Variants in AGTR1 observed in about 807,000 individuals in gnomAD.
AGTR1 encodes type-1 angiotensin II receptor.
A neutral mutation model predicts 19.4 loss-of-function variants in AGTR1; 16 were observed. The observed-to-expected ratio is 0.82, with a 90% CI of 0.56 to 1.25. AGTR1 has a LOEUF of 1.25. Ranked by LOEUF, AGTR1 falls within the 50% of genes most tolerant of loss-of-function variation. The pLI is 0.00. For missense variants in AGTR1, 373 were observed against 431.9 expected, an observed-to-expected ratio of 0.86 and a Z score of 1.21; for synonymous variants, 153 against 154.9, an observed-to-expected ratio of 0.99 and a Z score of 0.09.
At chr3:148,740,931 AGTTT>A (rs1322954166) in intron 2 of AGTR1, 54 bp from the exon 3 acceptor site, 61 of 1,433,796 alleles carry the variant, frequency 4.3e-5, no homozygotes, top group East Asian at 7.0e-5. Context: ...AATGTTTGTT[AGTTT>A]GTTTGTTTAC....
intron 2 of AGTR1, among the ~76,000 whole-genome samples, chr3:148,735,267 A>G (rs946085520): frequency 1.3e-5 from 2 of 152,178 alleles, no homozygotes; most frequent in African/African-American, 2.4e-5. Flanking sequence ...AAATACTGCA[A>G]ATATATAGTA....
rs936247088 is a variant in AGTR1 at position 148,742,880 on chromosome 3, T to C, written c.*765T>C. ...TTATATATCATAAAGTATGCCTTCC[T>C]GTTTAAAAAAAGTATATATTCTACA... On this transcript the variant is annotated 3_prime_UTR_variant, in exon 3 of 3. Coordinates refer to ENST00000349243, the MANE Select transcript of AGTR1 (RefSeq NM_000685.5). 1 of 167,044 alleles carries C rather than the reference T, an allele frequency of 6.0e-6. No homozygotes were observed. The highest frequency in any genetic ancestry group is 2.4e-5 in the African/African-American group (1 of 41,462). 10.3% of individuals were successfully genotyped at this position (167,044 alleles called of 1,614,324 possible).
intron 1 of AGTR1, among the ~76,000 whole-genome samples, chr3:148,701,240 C>T (rs1231416965): frequency 6.6e-6 from 1 of 152,026 alleles, no homozygotes; most frequent in Non-Finnish European, 1.5e-5. Context: ...CTAGTTATTA[C>T]GTTAGTGACA....
Position 148,742,150 on chromosome 3 carries a change from AAAG to A in AGTR1, c.*39_*41del. On this transcript the variant is annotated 3_prime_UTR_variant, in exon 3 of 3. Transcript: ENST00000349243. ...AACCTGTCCATAAAGTAATTTTGTG[AAAG>A]AAGGAGCAAGAGAACATTCCTCTGC... is the stretch of plus-strand genomic sequence containing the variant. 2 of 1,611,636 alleles carry A rather than the reference AAAG, an allele frequency of 1.2e-6. No homozygotes were observed. The highest frequency in any genetic ancestry group is 1.7e-4 in the Middle Eastern group (1 of 6,056).
chr3:148,723,355 T>C (rs548734856), intron 2 of AGTR1, among the ~76,000 whole-genome samples: 2 of 152,344 alleles, frequency 1.3e-5, no homozygotes, highest in Non-Finnish European at 2.9e-5. Context: ...ATTTAAAATA[T>C]TTTAAAATGT....
chr3:148,699,804 G>A lies in AGTR1; in HGVS notation c.-132+1677G>A, dbSNP rs12721245. Among the ~76,000 whole-genome samples the A allele has an allele frequency of 5.3e-5, 8 of 152,068 alleles. No homozygotes were observed. In the South Asian group the frequency reaches 1.7e-3, roughly 32 times the overall value. ...AGTCTGTTACCCACTCTCTCTCCCC[G>A]CCACCTTTTTTCCCCCTGACTTCAT... is the stretch of plus-strand genomic sequence containing the variant. On this transcript the variant is annotated intron_variant, in intron 1 of 2. Coordinates refer to ENST00000349243, the MANE Select transcript of AGTR1 (RefSeq NM_000685.5).
rs114968550 is a variant in AGTR1, at chr3:148,735,768, G to A, written c.-47-5221G>A. The stretch of plus-strand genomic sequence containing the variant: ...CCTGTGGCCTTACTTGGCAGAGAGA[G>A]GTGGGGGAAGCAACATAGGAGCAGA... On this transcript the variant is annotated intron_variant, in intron 2 of 2. Transcript: ENST00000349243. 2.2e-3 allele frequency among the ~76,000 whole-genome samples: 341 copies of A among 152,252 alleles called. 2 individuals carry two copies. The highest frequency in any genetic ancestry group is 7.9e-3 in the African/African-American group (330 of 41,550).
At chr3:148,725,482 G>A (rs1183805720) in intron 2 of AGTR1, among the ~76,000 whole-genome samples, 2 of 151,978 alleles carry the variant, frequency 1.3e-5, no homozygotes, top group Non-Finnish European at 1.5e-5. Flanking sequence ...ATTTTATGAC[G>A]CAATTTACTT....
At chr3:148,739,899 TG>T in intron 2 of AGTR1, 1 of 1,231,882 alleles carries the variant, frequency 8.1e-7, no homozygotes, top group Non-Finnish European at 1.0e-6. Flanking sequence ...CCCACCTAGC[TG>T]TCCTGGCCTG....
At chr3:148,720,481 T>C (rs535099868) in intron 2 of AGTR1, among the ~76,000 whole-genome samples, 2 of 152,286 alleles carry the variant, frequency 1.3e-5, no homozygotes, top group East Asian at 1.9e-4. Context: ...AACATCTAGT[T>C]TCAAATCAAA....
chr3:148,706,195 A>C (rs1712657589), intron 1 of AGTR1, among the ~76,000 whole-genome samples: 1 of 151,548 alleles, frequency 6.6e-6, no homozygotes, highest in East Asian at 1.9e-4. Flanking sequence ...TGGTACTATA[A>C]ATCTGACCCT....
chr3:148,731,021 A>C (rs1408763283), intron 2 of AGTR1, among the ~76,000 whole-genome samples: 2 of 152,218 alleles, frequency 1.3e-5, no homozygotes, highest in African/African-American at 4.8e-5. Flanking sequence ...AAAATGTAAA[A>C]TATCTTAATA....
intron 2 of AGTR1, among the ~76,000 whole-genome samples, chr3:148,736,727 T>G (rs1200487432): frequency 6.6e-6 from 1 of 152,184 alleles, no homozygotes; most frequent in Admixed American, 6.6e-5. Flanking sequence ...CCATTTCAAG[T>G]CTTTCAACCC....
chr3:148,707,177 A>G (rs1434296697), intron 1 of AGTR1, among the ~76,000 whole-genome samples: 2 of 152,012 alleles, frequency 1.3e-5, no homozygotes, highest in African/African-American at 2.4e-5. Context: ...GCTAGCCATC[A>G]TAAGTAAAAT....
At chr3:148,738,986 T>C (rs1714722109) in intron 2 of AGTR1, among the ~76,000 whole-genome samples, 1 of 152,226 alleles carries the variant, frequency 6.6e-6, no homozygotes, top group Non-Finnish European at 1.5e-5. Flanking sequence ...AAGTAAACAC[T>C]AGTAAACTTT....
rs1415207602 is a variant in AGTR1, at chr3:148,716,951, C to T, written c.-48+8924C>T. ...GAGAGAGATGAATTAATCTCAATGG[C>T]ACAGTCTCCTTATTCAAAAAATAAA... On this transcript the variant is annotated intron_variant, in intron 2 of 2. Coordinates refer to ENST00000349243, the MANE Select transcript of AGTR1 (RefSeq NM_000685.5). This position sits in a 1 kb window ranked among gnomAD's most constrained non-coding sequence, Gnocchi z 4.7. 2.6e-5 allele frequency among the ~76,000 whole-genome samples: 4 copies of T among 152,114 alleles called. No homozygotes were observed. Among genetic ancestry groups the T allele is most frequent in the Non-Finnish European group, 5.9e-5 (4 of 68,030 alleles).
chr3:148,739,952 A>G (rs1029667785), intron 2 of AGTR1: 17 of 1,231,714 alleles, frequency 1.4e-5, no homozygotes, highest in Admixed American at 4.2e-5. Flanking sequence ...GCTGTACCAC[A>G]TTCGGTGATG....
At chr3:148,733,001 A>G (rs1412447051) in intron 2 of AGTR1, among the ~76,000 whole-genome samples, 1 of 151,834 alleles carries the variant, frequency 6.6e-6, no homozygotes, top group Admixed American at 6.6e-5. Flanking sequence ...CGGCCTCCCA[A>G]AGTGCTGGGA....
intron 2 of AGTR1, among the ~76,000 whole-genome samples, chr3:148,726,341 T>A (rs1295937683): frequency 6.6e-6 from 1 of 152,092 alleles, no homozygotes; most frequent in Non-Finnish European, 1.5e-5. Context: ...CCCGAGTAGA[T>A]GGGATTACAG....
Sources: allele counts gnomAD v4.1 joint callset (sites outside exome capture counted in the v4.1 genomes callset), GRCh38; gene constraint gnomAD v4.1.1; non-coding constraint Gnocchi (gnomAD v3.1); transcripts MANE v1.5; gene names NCBI Gene and HGNC (gene_info 2026-07-23, HGNC 2026-07-21).